The following SYBU variants were observed in gnomAD, a reference collection of about 807,000 sequenced individuals.
SYBU encodes GOLSYN A protein.
SYBU carries 21 observed loss-of-function variants against 35.9 expected under a neutral mutation model. That is an observed-to-expected ratio of 0.58 (90% CI 0.41 to 0.84). SYBU has a LOEUF of 0.84. SYBU is among the 40% of genes least tolerant of loss of function. The probability of loss-of-function intolerance (pLI) is 0.00; values close to 1 mark genes in which losing one functional copy is unlikely to be tolerated. For synonymous variants in SYBU, 319 were observed against 324.3 expected (o/e 0.98, Z 0.18); for missense variants, 768 against 848.2 (o/e 0.91, Z 1.17).
chr8:109,666,762 G>C (rs1816768777), intron 1 of SYBU, among the ~76,000 whole-genome samples: 1 of 152,022 alleles, frequency 6.6e-6, no homozygotes, highest in Admixed American at 6.6e-5. Flanking sequence ...AAGAGATCTG[G>C]AAAATATATA....
intron 2 of SYBU, among the ~76,000 whole-genome samples, chr8:109,630,853 A>G (rs1563743561): frequency 6.6e-6 from 1 of 152,198 alleles, no homozygotes; most frequent in Non-Finnish European, 1.5e-5. Context: ...CAGGTGAGAC[A>G]TTGAAAGACA....
chr8:109,598,491 A>C (rs1288246091), intron 3 of SYBU, among the ~76,000 whole-genome samples: 1 of 152,190 alleles, frequency 6.6e-6, no homozygotes, highest in East Asian at 1.9e-4. Flanking sequence ...ACTCACTGTA[A>C]AAAGGGACTA....
At position 109,634,264 on chromosome 8, in the gene SYBU, G is replaced by T. The variant is rs1586897071; in HGVS notation, c.229+8464C>A. ...GCTTATGTGCCAGCTCTTGAGTGGGGCATTTTCTGGTTTTCTTAGCAAAAA... is the reference window on the plus strand; with the variant it reads ...GCTTATGTGCCAGCTCTTGAGTGGGTCATTTTCTGGTTTTCTTAGCAAAAA... On this transcript the variant is annotated intron_variant, in intron 2 of 6. Coordinates refer to ENST00000276646, the MANE Select transcript of SYBU (RefSeq NM_001099754.2). Among the ~76,000 whole-genome samples, 3 of 152,198 alleles carry T rather than the reference G, an allele frequency of 2.0e-5. No individual in the cohort carries two copies. The East Asian group carries it at 5.8e-4, about 29-fold the overall frequency.
intron 2 of SYBU, among the ~76,000 whole-genome samples, chr8:109,629,437 A>G (rs1813346850): frequency 6.6e-6 from 1 of 152,200 alleles, no homozygotes; most frequent in African/African-American, 2.4e-5. Flanking sequence ...CAGGGGTCAT[A>G]CAAAACTGGC....
In SYBU at chr8:109,691,012, A is replaced by G. The variant is rs1303961908; in HGVS notation, c.-58+321T>C. On this transcript the variant is annotated intron_variant, in intron 1 of 7. Transcript: ENST00000422135. This position sits in a 1 kb window ranked among gnomAD's most constrained non-coding sequence, Gnocchi z 4.7. ...AACAACCAGTAAAGGGAGATTCAAA[A>G]CCGACGGCCTATACATTAGCCTGGC... Among the ~76,000 whole-genome samples, 2 of 152,172 alleles carry G rather than the reference A, an allele frequency of 1.3e-5. No individual in the cohort carries two copies. Among genetic ancestry groups the G allele is most frequent in the Non-Finnish European group, 2.9e-5 (2 of 68,034 alleles).
At chr8:109,633,826 C>T (rs1055804704) in intron 2 of SYBU, among the ~76,000 whole-genome samples, 33 of 152,050 alleles carry the variant, frequency 2.2e-4, no homozygotes, top group Non-Finnish European at 4.3e-4. Flanking sequence ...CTCCACCTCC[C>T]GGGCTCAAGT....
intron 3 of SYBU, among the ~76,000 whole-genome samples, chr8:109,617,004 C>T (rs1204455781): frequency 1.3e-5 from 2 of 151,886 alleles, no homozygotes; most frequent in Non-Finnish European, 2.9e-5. Context: ...GGCATGGTGG[C>T]GCTTGCCTGT....
intron 3 of SYBU, among the ~76,000 whole-genome samples, chr8:109,597,591 T>C (rs1825035479): frequency 6.6e-6 from 1 of 151,484 alleles, no homozygotes; most frequent in South Asian, 2.1e-4. Context: ...GGCATGCGCT[T>C]ATAGTCCCAC....
At chr8:109,605,127 G>C (rs1825936333) in intron 3 of SYBU, among the ~76,000 whole-genome samples, 1 of 152,168 alleles carries the variant, frequency 6.6e-6, no homozygotes, top group Non-Finnish European at 1.5e-5. Flanking sequence ...CGAATATCAT[G>C]ACAGAAGCAC....
chr8:109,670,152 TTC>T (rs1279266834), intron 1 of SYBU, among the ~76,000 whole-genome samples: 1 of 152,076 alleles, frequency 6.6e-6, no homozygotes, highest in Non-Finnish European at 1.5e-5. Context: ...TGTTTTATTA[TTC>T]TGTTATTAGC....
At chr8:109,643,823 G>A (rs750780960) in intron 1 of SYBU, 21 of 342,938 alleles carry the variant, frequency 6.1e-5, no homozygotes, top group Non-Finnish European at 1.0e-4. Context: ...GCTAAATGGG[G>A]TAGAGATGCT....
At chr8:109,646,095 G>C (rs1275782467), upstream of SYBU, 5 of 152,234 alleles carry the variant, frequency 3.3e-5, no homozygotes, top group African/African-American at 1.2e-4. Flanking sequence ...ACTTAGAATA[G>C]GGTACATCAG....
chr8:109,635,696 C>T (rs1421582163), intron 2 of SYBU, among the ~76,000 whole-genome samples: 2 of 152,122 alleles, frequency 1.3e-5, no homozygotes, highest in Non-Finnish European at 2.9e-5. Context: ...CTGTTCTAGC[C>T]CCAAATCTCA....
At chr8:109,630,480 A>G (rs983807261) in intron 2 of SYBU, among the ~76,000 whole-genome samples, 5 of 152,186 alleles carry the variant, frequency 3.3e-5, no homozygotes, top group African/African-American at 1.2e-4. Context: ...GGAGGCCACT[A>G]CCGTAATAGA....
At position 109,666,791 on chromosome 8, in the gene SYBU, G is replaced by A. The variant is rs148971995; in HGVS notation, c.-129+13920C>T. ...ATATATATTTAAAATTATAGTAAGAGCTTTAATCTCAGAGTACAAATGTAT... is the reference window on the plus strand; with the variant it reads ...ATATATATTTAAAATTATAGTAAGAACTTTAATCTCAGAGTACAAATGTAT... On this transcript the variant is annotated intron_variant, in intron 1 of 5. Coordinates refer to the SYBU transcript ENST00000408889. Among the ~76,000 whole-genome samples, 431 of 152,170 alleles carry A rather than the reference G, an allele frequency of 2.8e-3. 2 individuals carry two copies. The highest frequency in any genetic ancestry group is 9.6e-3 in the African/African-American group (398 of 41,504).
At chr8:109,616,884 A>T (rs1449305315) in intron 3 of SYBU, among the ~76,000 whole-genome samples, 1 of 152,088 alleles carries the variant, frequency 6.6e-6, no homozygotes, top group Non-Finnish European at 1.5e-5. Flanking sequence ...CATGCCTGTA[A>T]TCCCAGCACT....
At chr8:109,687,195 C>T (rs1817539136) in intron 1 of SYBU, among the ~76,000 whole-genome samples, 1 of 152,124 alleles carries the variant, frequency 6.6e-6, no homozygotes, top group Non-Finnish European at 1.5e-5. Flanking sequence ...AGTATAAACT[C>T]ACTACTTGTT....
intron 2 of SYBU, among the ~76,000 whole-genome samples, chr8:109,630,548 AT>A (rs1487708050): frequency 6.6e-6 from 1 of 152,226 alleles, no homozygotes; most frequent in African/African-American, 2.4e-5. Context: ...AGAAAAGTAC[AT>A]ATATTTGAGA....
At chr8:109,665,288 C>A (rs1030696993) in intron 1 of SYBU, among the ~76,000 whole-genome samples, 6 of 152,140 alleles carry the variant, frequency 3.9e-5, no homozygotes, top group African/African-American at 1.4e-4. Flanking sequence ...TTGTATTTTA[C>A]ACTTACAACA....
Sources: gnomAD v4.1 joint callset for allele counts (sites outside exome capture counted in the v4.1 genomes callset) on GRCh38, gnomAD v4.1.1 for gene constraint, Gnocchi (gnomAD v3.1) non-coding constraint, MANE v1.5 for transcripts, NCBI Gene and HGNC (gene_info 2026-07-23, HGNC 2026-07-21) for gene names.